The following PLVAP variants were observed in gnomAD, a reference collection of about 807,000 sequenced individuals.
PLVAP encodes plasmalemma vesicle-associated protein.
PLVAP carries 34 observed loss-of-function variants against 43.1 expected under a neutral mutation model. The observed-to-expected ratio is 0.79, with a 90% CI of 0.60 to 1.05. The LOEUF (loss-of-function observed/expected upper bound fraction) is 1.05, where lower values mean the gene tolerates loss of function less well. PLVAP is among the 50% of genes least tolerant of loss of function. PLVAP has a pLI of 0.00. For synonymous variants in PLVAP, 241 were observed against 237.3 expected (o/e 1.02, Z -0.14); for missense variants, 574 against 593.4 (o/e 0.97, Z 0.34).
At position 17,352,385 on chromosome 19, in the gene PLVAP, A is replaced by T. The variant is rs1349137671; in HGVS notation, c.1323-17T>A. 2 of 1,612,698 alleles carry T rather than the reference A, an allele frequency of 1.2e-6. No individual in the cohort carries two copies. The highest frequency in any genetic ancestry group is 2.7e-5 in the African/African-American group (2 of 74,918). ...CCTCAGCCACTAGGGCAGGAAGGGG[A>T]TGGTAACACAACAGAGTGTCAGACA... On this transcript the variant is annotated splice_polypyrimidine_tract_variant and intron_variant, in intron 5 of 5. Coordinates refer to ENST00000252590, the MANE Select transcript of PLVAP (RefSeq NM_031310.3).
rs1406291057 is a variant in PLVAP at position 17,365,640 on chromosome 19, C to T, written c.825G>A (p.Met275Ile). The T allele has an allele frequency of 6.2e-7, 1 of 1,613,624 alleles. No homozygotes were observed. Residue 275 changes from methionine to isoleucine, a missense_variant, in exon 3 of 6, where the codon ATG becomes ATA. Transcript: ENST00000252590. ...LASIRRACDH[M>I]PSLMSSKVEE... is the part of the protein sequence containing the mutation. ...CCACCTTGGAGCTCATGAGGCTGGG[C>T]ATGTGGTCGCAGGCTCTGCGGATGG...
rs1180068923 is a variant in PLVAP at position 17,377,033 on chromosome 19, T to C, written c.256A>G (p.Lys86Glu). 6.2e-7 allele frequency: 1 copy of C among 1,614,000 alleles called. No individual in the cohort carries two copies. Among genetic ancestry groups the C allele is most frequent in the Non-Finnish European group, 8.5e-7 (1 of 1,180,012 alleles). ...GCGCGGGTGGTGAAGTTGAGCTCCT[T>C]GGTCAAGTTGGACTGGGAGGCCGTG... is the stretch of plus-strand genomic sequence containing the variant. ...GLTASQSNLT[K>E]ELNFTTRAKD... The change falls in exon 1 of 6, where the codon AAG (lysine) becomes GAG (glutamate). Residue 86 changes from lysine to glutamate, a missense_variant. Coordinates refer to ENST00000252590, the MANE Select transcript of PLVAP (RefSeq NM_031310.3).
At chr19:17,355,285 T>TA (rs1452134208) in intron 5 of PLVAP, among the ~76,000 whole-genome samples, 30 of 150,528 alleles carry the variant, frequency 2.0e-4, no homozygotes, top group African/African-American at 6.6e-4. Context: ...AAATCTTTTT[T>TA]AAAAAAAGCT....
At position 17,365,335 on chromosome 19, in the gene PLVAP, A is replaced by G; in HGVS notation, c.1130T>C (p.Met377Thr). 1 of 1,613,274 alleles carries G rather than the reference A, an allele frequency of 6.2e-7. No homozygotes were observed. Among genetic ancestry groups the G allele is most frequent in the Non-Finnish European group, 8.5e-7 (1 of 1,179,998 alleles). ...GGCTGAGTTTCTGATGGCCAGCTCCATCCTGAGCTGCTCCGCCTCCCTCTT... is the reference window on the plus strand; with the variant it reads ...GGCTGAGTTTCTGATGGCCAGCTCCGTCCTGAGCTGCTCCGCCTCCCTCTT... The part of the protein sequence containing the change: ...EKKREAEQLR[M>T]ELAIRNSALD... Residue 377 changes from methionine to threonine, a missense_variant, in exon 3 of 6, where the codon ATG (methionine) becomes ACG (threonine). Met to Thr is a moderately conservative substitution (Grantham distance 81, BLOSUM62 -1). Transcript: ENST00000252590.
chr19:17,377,336 C>T lies in PLVAP; in HGVS notation c.-48G>A, dbSNP rs1312500931. 1 of 1,440,638 alleles carries T rather than the reference C, an allele frequency of 6.9e-7. No individual in the cohort carries two copies. The highest frequency in any genetic ancestry group is 9.6e-7 in the Non-Finnish European group (1 of 1,041,996). 89.2% of individuals were successfully genotyped at this position (1,440,638 alleles called of 1,614,324 possible). On this transcript the variant is annotated 5_prime_UTR_variant, in exon 1 of 6. Transcript: ENST00000252590. ...GCACCGTCCCTGCTCACCACCAGGC[C>T]TGCTCTGGCCCCCGCCTCGCAGGGG...
At chr19:17,364,193 C>T (rs1025706555) in intron 3 of PLVAP, among the ~76,000 whole-genome samples, 1 of 152,064 alleles carries the variant, frequency 6.6e-6, no homozygotes, top group African/African-American at 2.4e-5. Flanking sequence ...TCAAGAGATT[C>T]TCCTGTCTCA....
At chr19:17,376,795 C>T (rs2074596910) in intron 1 of PLVAP, 125 bp downstream of exon 1, 1 of 1,011,796 alleles carries the variant, frequency 9.9e-7, no homozygotes, top group Non-Finnish European at 1.4e-6. Context: ...GAGACTCTGT[C>T]TCATAAGAAA....
At position 17,365,068 on chromosome 19, in the gene PLVAP, C is replaced by T. The variant is rs113291554; in HGVS notation, c.1179+218G>A. ...GATTATTGGCATGAGCCACTGCGCA[C>T]GGCACTCTAATTCCATTCTTAACCC... On this transcript the variant is annotated intron_variant, in intron 3 of 5. Transcript: ENST00000252590. Among the ~76,000 whole-genome samples, 93 of 152,206 alleles carry T rather than the reference C, an allele frequency of 6.1e-4. 3 individuals carry two copies. The highest frequency in any genetic ancestry group is 2.0e-3 in the African/African-American group (85 of 41,552).
In PLVAP at chr19:17,355,261, T is replaced by TAATAATAATAATAAA. The variant is rs1397143366; in HGVS notation, c.1323-2894_1323-2893insTTTATTATTATTATT. ...ATAATAATAATAATAATAATAATAA[T>TAATAATAATAATAAA]AAAATAAATAATAAAATCTTTTTTA... On this transcript the variant is annotated intron_variant, in intron 5 of 5. Transcript: ENST00000252590. Among the ~76,000 whole-genome samples the TAATAATAATAATAAA allele has an allele frequency of 1.2e-3, 172 of 145,876 alleles. 1 individual carries two copies. Among genetic ancestry groups the TAATAATAATAATAAA allele is most frequent in the Middle Eastern group, 3.6e-3 (1 of 280 alleles).
chr19:17,372,280 G>A (rs1219820457), intron 1 of PLVAP, among the ~76,000 whole-genome samples: 1 of 150,320 alleles, frequency 6.7e-6, no homozygotes, highest in African/African-American at 2.4e-5. Context: ...TTGGTGGCGG[G>A]TGCCTGTAAT....
chr19:17,369,237 G>A (rs1348125144), intron 1 of PLVAP, among the ~76,000 whole-genome samples: 2 of 151,362 alleles, frequency 1.3e-5, no homozygotes, highest in African/African-American at 2.4e-5. Flanking sequence ...CCAGCCTGGA[G>A]TGCAGTGGCA....
chr19:17,371,376 T>C (rs1231710926), intron 1 of PLVAP, among the ~76,000 whole-genome samples: 4 of 151,836 alleles, frequency 2.6e-5, no homozygotes, highest in African/African-American at 9.7e-5. Flanking sequence ...AGCCAGGTGG[T>C]TTCGAACTCC....
chr19:17,365,022 C>T (rs1868329544), intron 3 of PLVAP, among the ~76,000 whole-genome samples: 1 of 152,112 alleles, frequency 6.6e-6, no homozygotes, highest in Non-Finnish European at 1.5e-5. Flanking sequence ...ATCCACCCAC[C>T]TTGGCCTCCC....
intron 5 of PLVAP, 62 bp downstream of exon 5, chr19:17,360,466 C>T: frequency 6.5e-7 from 1 of 1,534,572 alleles, no homozygotes; most frequent in East Asian, 2.2e-5. Context: ...CACCCTCAGT[C>T]CTGGTCCTAG....
chr19:17,363,572 TG>T (rs1458464101), intron 3 of PLVAP, among the ~76,000 whole-genome samples: 194 of 428 alleles, frequency 0.45, no homozygotes, highest in Admixed American at 0.5. Context: ...TTTCCCATTT[TG>T]GAACCCCAGA....
chr19:17,377,201 G>A lies in PLVAP; in HGVS notation c.88C>T (p.Leu30Phe), dbSNP rs1391727756. The change falls in exon 1 of 6, where the codon CTC becomes TTC. Residue 30 changes from leucine to phenylalanine, a missense_variant. Physicochemically the swap from Leu to Phe is conservative, Grantham distance 22. Coordinates refer to ENST00000252590, the MANE Select transcript of PLVAP (RefSeq NM_031310.3). ...GCWYYLRYFF[L>F]FVSLIQFLII... ...AGGAATTGGATGAGGGAGACGAAGA[G>A]GAAGAAGTAGCGCAGGTAATACCAG... is the stretch of plus-strand genomic sequence containing the variant. 2 of 1,614,150 alleles carry A rather than the reference G, an allele frequency of 1.2e-6. No individual in the cohort carries two copies. The highest frequency in any genetic ancestry group is 1.7e-6 in the Non-Finnish European group (2 of 1,180,020).
intron 5 of PLVAP, among the ~76,000 whole-genome samples, chr19:17,354,557 A>T (rs1381607134): frequency 7.1e-6 from 1 of 141,716 alleles, no homozygotes; most frequent in African/African-American, 2.7e-5. Context: ...AGATGGCACC[A>T]TTGCACTCCA....
At chr19:17,365,237 A>G (rs1473849298) in intron 3 of PLVAP, 49 bp downstream of exon 3, 4 of 1,532,566 alleles carry the variant, frequency 2.6e-6, no homozygotes, top group Non-Finnish European at 2.6e-6. Context: ...CCCTCTTGGC[A>G]TCTGGACCTA....
chr19:17,359,706 T>C (rs1260246991), intron 5 of PLVAP, among the ~76,000 whole-genome samples: 3 of 147,406 alleles, frequency 2.0e-5, no homozygotes, highest in Non-Finnish European at 4.5e-5. Flanking sequence ...TTTTTTTTTT[T>C]TTTTCTGACA....
Sources: allele counts gnomAD v4.1 joint callset (sites outside exome capture counted in the v4.1 genomes callset), GRCh38; gene constraint gnomAD v4.1.1; transcripts MANE v1.5; gene names NCBI Gene and HGNC (gene_info 2026-07-23, HGNC 2026-07-21).